The following ASCC1 variants were observed in gnomAD, a reference collection of about 807,000 sequenced individuals.
ASCC1 encodes ASC-1 complex subunit P50.
ASCC1 carries 35 observed loss-of-function variants against 46.6 expected under a neutral mutation model. The ratio of observed to expected loss-of-function variants is 0.75; its 90% CI spans 0.57 to 0.99. The LOEUF is 0.99. Ranked by LOEUF, ASCC1 falls within the 50% of genes least tolerant of loss-of-function variation. The pLI is 0.00. For synonymous variants in ASCC1, 143 were observed against 146.6 expected (o/e 0.98, Z 0.18); for missense variants, 376 against 428.7 (o/e 0.88, Z 1.09).
chr10:72,193,618 T>C (rs913062067), intron 5 of ASCC1, among the ~76,000 whole-genome samples: 4 of 152,070 alleles, frequency 2.6e-5, no homozygotes, highest in Non-Finnish European at 5.9e-5. Context: ...ATTGTTGTGG[T>C]AGTTACAGAA....
chr10:72,206,158 G>A (rs1857181107), intron 3 of ASCC1, among the ~76,000 whole-genome samples: 1 of 148,888 alleles, frequency 6.7e-6, no homozygotes, highest in Non-Finnish European at 1.5e-5. Context: ...TAATCCCTGT[G>A]CTTTGGAAGG....
At chr10:72,132,150 T>C (rs1845686911) in intron 8 of ASCC1, among the ~76,000 whole-genome samples, 1 of 152,154 alleles carries the variant, frequency 6.6e-6, no homozygotes. Context: ...ATTACAGGCA[T>C]GAGCCACCGC....
At chr10:72,103,333 C>T (rs1008878839) in intron 9 of ASCC1, among the ~76,000 whole-genome samples, 2 of 151,460 alleles carry the variant, frequency 1.3e-5, no homozygotes, top group African/African-American at 4.9e-5. Context: ...GGGGTTTCAC[C>T]GTGTTAGCCA....
At chr10:72,166,121 A>G (rs1216442350) in intron 5 of ASCC1, among the ~76,000 whole-genome samples, 1 of 152,174 alleles carries the variant, frequency 6.6e-6, no homozygotes, top group Non-Finnish European at 1.5e-5. Flanking sequence ...TATACTTTTG[A>G]TCAATATTAT....
intron 5 of ASCC1, among the ~76,000 whole-genome samples, chr10:72,168,735 A>G (rs945578827): frequency 1.3e-5 from 2 of 152,190 alleles, no homozygotes; most frequent in African/African-American, 4.8e-5. Flanking sequence ...AAGAAACACC[A>G]TGAGTGAGAA....
At chr10:72,118,397 CA>C (rs984982789) in intron 9 of ASCC1, among the ~76,000 whole-genome samples, 3 of 150,894 alleles carry the variant, frequency 2.0e-5, no homozygotes, top group African/African-American at 7.3e-5. Context: ...AAATAATTTT[CA>C]AAAACAGTAT....
At position 72,096,774 on chromosome 10, in the gene ASCC1, T is replaced by C. The variant is rs1322591430; in HGVS notation, c.*560A>G. ...TCACCTGACACAACATGGATGAACC[T>C]TGAGGACATTATGCTAAGTGAAATA... is the stretch of plus-strand genomic sequence containing the variant. On this transcript the variant is annotated 3_prime_UTR_variant, in exon 10 of 10. Transcript: ENST00000672957. 4.4e-6 allele frequency: 2 copies of C among 454,100 alleles called. No individual in the cohort carries two copies. The highest frequency in any genetic ancestry group is 1.4e-4 in the East Asian group (2 of 14,392). 28.1% of individuals were successfully genotyped at this position (454,100 alleles called of 1,614,324 possible).
chr10:72,179,849 A>G (rs1852341370), intron 5 of ASCC1, among the ~76,000 whole-genome samples: 1 of 152,240 alleles, frequency 6.6e-6, no homozygotes. Flanking sequence ...ATAGATTACT[A>G]GCAGAAAAAA....
At chr10:72,172,699 AAT>A (rs10594627) in intron 5 of ASCC1, among the ~76,000 whole-genome samples, 12,207 of 137,790 alleles carry the variant, frequency 0.089, 1,731 homozygotes, top group African/African-American at 0.3. Flanking sequence ...AAAAATATAT[AAT>A]ATATATATTA....
chr10:72,143,186 A>G (rs1005401346), intron 7 of ASCC1, among the ~76,000 whole-genome samples: 4 of 150,864 alleles, frequency 2.7e-5, no homozygotes, highest in African/African-American at 9.7e-5. Context: ...AAAAAAAGGT[A>G]TTAAATGTGT....
chr10:72,151,505 T>A, intron 7 of ASCC1, among the ~76,000 whole-genome samples: 1 of 151,942 alleles, frequency 6.6e-6, no homozygotes, highest in East Asian at 1.9e-4. Flanking sequence ...AATGACGAGT[T>A]AATGGGTGCA....
chr10:72,166,968 C>T (rs1434995912), intron 5 of ASCC1, among the ~76,000 whole-genome samples: 2 of 151,230 alleles, frequency 1.3e-5, no homozygotes, highest in South Asian at 4.2e-4. Flanking sequence ...AAAAACCGAG[C>T]AGCCACTTTG....
chr10:72,189,139 G>A (rs936838951), intron 5 of ASCC1, among the ~76,000 whole-genome samples: 21 of 152,066 alleles, frequency 1.4e-4, no homozygotes, highest in African/African-American at 2.7e-4. Flanking sequence ...AGTGGCTCAC[G>A]GCTGTAATAC....
intron 9 of ASCC1, among the ~76,000 whole-genome samples, chr10:72,099,867 T>C (rs1012950404): frequency 6.6e-6 from 1 of 152,172 alleles, no homozygotes; most frequent in Non-Finnish European, 1.5e-5. Context: ...ACAAGTACCT[T>C]GTGTGCTCAC....
rs1279674541 is a variant in ASCC1, at chr10:72,145,870, T to C, written c.746+6999A>G. ...AGGCTTTCAATAAAGTTTTGTTGAA[T>C]AAACAAATGACCAAATGGAAAAAAA... On this transcript the variant is annotated intron_variant, in intron 7 of 9. Transcript: ENST00000672957. Among the ~76,000 whole-genome samples, 5 of 152,308 alleles carry C rather than the reference T, an allele frequency of 3.3e-5. No homozygotes were observed. The South Asian group carries it at 6.2e-4, about 19-fold the overall frequency.
intron 9 of ASCC1, among the ~76,000 whole-genome samples, chr10:72,125,913 C>T (rs1423628453): frequency 6.6e-6 from 1 of 151,368 alleles, no homozygotes; most frequent in East Asian, 1.9e-4. Context: ...ATCTTTAAGG[C>T]ACATAGTCTG....
intron 9 of ASCC1, among the ~76,000 whole-genome samples, chr10:72,122,773 C>T (rs1391804518): frequency 6.6e-6 from 1 of 151,068 alleles, no homozygotes; most frequent in African/African-American, 2.4e-5. Flanking sequence ...GCGATGAGGC[C>T]CTATACCTAA....
chr10:72,153,292 T>A (rs1848580000), intron 6 of ASCC1, among the ~76,000 whole-genome samples: 1 of 152,270 alleles, frequency 6.6e-6, no homozygotes, highest in South Asian at 2.1e-4. Flanking sequence ...TTCTGATCCA[T>A]AAAGACATTT....
intron 5 of ASCC1, among the ~76,000 whole-genome samples, chr10:72,193,999 T>A (rs1163894366): frequency 2.6e-5 from 4 of 151,546 alleles, no homozygotes; most frequent in Admixed American, 6.6e-5. Context: ...CACACCCGGC[T>A]AATTTTTTTT....
Sources: allele counts gnomAD v4.1 joint callset (sites outside exome capture counted in the v4.1 genomes callset), GRCh38; gene constraint gnomAD v4.1.1; transcripts MANE v1.5; gene names NCBI Gene and HGNC (gene_info 2026-07-23, HGNC 2026-07-21).